The following SEPTIN10 variants were observed in gnomAD, a reference collection of about 807,000 sequenced individuals.
SEPTIN10 encodes septin-10.
SEPTIN10 carries 66 observed loss-of-function variants against 54.8 expected under a neutral mutation model. That is an observed-to-expected ratio of 1.21 (90% CI 0.99 to 1.48). The LOEUF is 1.48. Among genes scored for constraint, SEPTIN10 ranks in the 40% most tolerant of loss-of-function variants. The pLI is 0.00. For missense variants in SEPTIN10, 620 were observed against 545.6 expected, an observed-to-expected ratio of 1.14 and a Z score of -1.36; for synonymous variants, 161 against 181.0, an observed-to-expected ratio of 0.89 and a Z score of 0.89.
intron 1 of SEPTIN10, among the ~76,000 whole-genome samples, chr2:109,610,464 C>T (rs959292627): frequency 2.0e-5 from 3 of 152,158 alleles, no homozygotes; most frequent in Non-Finnish European, 2.9e-5. Context: ...CCTGTAATCC[C>T]AACACTTCGG....
chr2:109,596,171 A>G (rs956595922), intron 1 of SEPTIN10, among the ~76,000 whole-genome samples: 3 of 152,154 alleles, frequency 2.0e-5, no homozygotes, highest in African/African-American at 7.2e-5. Flanking sequence ...AGCTGGGCCT[A>G]CAGGCATGCA....
intron 8 of SEPTIN10, among the ~76,000 whole-genome samples, chr2:109,556,935 A>G (rs1684510626): frequency 6.6e-6 from 1 of 152,106 alleles, no homozygotes. Flanking sequence ...AAAACCAAAC[A>G]TGGCATGTTC....
At chr2:109,561,173 G>A (rs1426635592) in intron 8 of SEPTIN10, among the ~76,000 whole-genome samples, 1 of 152,120 alleles carries the variant, frequency 6.6e-6, no homozygotes, top group East Asian at 1.9e-4. Flanking sequence ...CATCTGTCCT[G>A]CTGTACTGCA....
intron 5 of SEPTIN10, 92 bp from the exon 6 acceptor site, chr2:109,568,068 A>T: frequency 9.9e-7 from 1 of 1,010,868 alleles, no homozygotes; most frequent in African/African-American, 1.6e-5. Flanking sequence ...CATTCTGACA[A>T]TGAATTTCCC....
rs184343540 is a variant in SEPTIN10 at position 109,580,180 on chromosome 2, G to T, written c.413+4946C>A. Among the ~76,000 whole-genome samples, 6 of 144,622 alleles carry T rather than the reference G, an allele frequency of 4.1e-5. No individual in the cohort carries two copies. The East Asian group carries it at 1.2e-3, about 28-fold the overall frequency. The allele number at this position is 144,622 out of a possible 152,430, so 94.9% of individuals were successfully genotyped here. ...AAAAACTTCACTGATGAACACAGAT[G>T]CAAAAAAAAACTAAAAGAAAAATAT... On this transcript the variant is annotated intron_variant, in intron 4 of 10. Transcript: ENST00000397712.
At chr2:109,599,501 G>A (rs1201027405) in intron 1 of SEPTIN10, among the ~76,000 whole-genome samples, 1 of 151,262 alleles carries the variant, frequency 6.6e-6, no homozygotes, top group Non-Finnish European at 1.5e-5. Flanking sequence ...ATTACCAAGA[G>A]TGAGCAAGAT....
intron 4 of SEPTIN10, 73 bp from the exon 5 acceptor site, chr2:109,574,840 T>C: frequency 9.3e-7 from 1 of 1,075,700 alleles, no homozygotes; most frequent in Non-Finnish European, 1.3e-6. Flanking sequence ...CTCTTAGAAG[T>C]TTGAGGTCTA....
At chr2:109,608,986 C>T (rs796247224) in intron 1 of SEPTIN10, among the ~76,000 whole-genome samples, 1 of 152,302 alleles carries the variant, frequency 6.6e-6, no homozygotes, top group African/African-American at 2.4e-5. Context: ...GGACTCTATC[C>T]TGCAGTAGAT....
chr2:109,563,240 T>C (rs535486485), intron 8 of SEPTIN10, among the ~76,000 whole-genome samples: 3 of 152,316 alleles, frequency 2.0e-5, no homozygotes, highest in East Asian at 3.9e-4. Flanking sequence ...TAATTCATTA[T>C]GCTACCAGAA....
intron 7 of SEPTIN10, among the ~76,000 whole-genome samples, chr2:109,564,864 C>T (rs2105176394): frequency 1.3e-5 from 2 of 152,308 alleles, no homozygotes; most frequent in Middle Eastern, 3.4e-3. Flanking sequence ...TAGCAGTTTA[C>T]AAACTATCCT....
At chr2:109,608,088 C>T (rs1372846098) in intron 1 of SEPTIN10, among the ~76,000 whole-genome samples, 3 of 152,158 alleles carry the variant, frequency 2.0e-5, no homozygotes, top group Admixed American at 6.5e-5. Context: ...ACTTAGTCAA[C>T]TATCCTCTTA....
intron 5 of SEPTIN10, among the ~76,000 whole-genome samples, chr2:109,572,783 A>G (rs1688724784): frequency 6.6e-6 from 1 of 150,824 alleles, no homozygotes; most frequent in African/African-American, 2.4e-5. Context: ...TGCCTGGCTA[A>G]TTTTTGTATT....
At chr2:109,578,751 AGT>A (rs1690377300) in intron 4 of SEPTIN10, among the ~76,000 whole-genome samples, 1 of 152,104 alleles carries the variant, frequency 6.6e-6, no homozygotes. Flanking sequence ...TGGCCAACAA[AGT>A]GAGATTCCAC....
intron 3 of SEPTIN10, 84 bp downstream of exon 3, chr2:109,585,637 G>A (rs1439048042): frequency 4.4e-6 from 4 of 915,840 alleles, no homozygotes; most frequent in East Asian, 2.4e-5. Context: ...TTGATAACAT[G>A]AGCATTGTTC....
At chr2:109,574,546 A>G (rs201043038) in intron 5 of SEPTIN10, 35 bp downstream of exon 5, 5 of 1,306,994 alleles carry the variant, frequency 3.8e-6, no homozygotes, top group Admixed American at 2.8e-5. Flanking sequence ...AATAAATATT[A>G]AAGTATGGTA....
chr2:109,544,940 A>C, intron 10 of SEPTIN10: 1 of 984,504 alleles, frequency 1.0e-6, no homozygotes, highest in Non-Finnish European at 1.2e-6. Flanking sequence ...AAAACAAACA[A>C]ACAAACAAAA....
At chr2:109,565,360 T>C (rs1285552220) in intron 7 of SEPTIN10, among the ~76,000 whole-genome samples, 3 of 152,210 alleles carry the variant, frequency 2.0e-5, no homozygotes, top group Non-Finnish European at 4.4e-5. Context: ...TAGATTTAAC[T>C]TTTTAAGTTG....
At chr2:109,556,025 T>C (rs1684286019) in intron 8 of SEPTIN10, among the ~76,000 whole-genome samples, 2 of 152,332 alleles carry the variant, frequency 1.3e-5, no homozygotes, top group Non-Finnish European at 2.9e-5. Context: ...TGAAGCCTCA[T>C]TCATCTCTGT....
Position 109,570,903 on chromosome 2 carries a change from T to C in SEPTIN10, c.601-2927A>G, listed in dbSNP as rs549177655. Among the ~76,000 whole-genome samples, 6 of 152,322 alleles carry C rather than the reference T, an allele frequency of 3.9e-5. 1 individual carries two copies. Among genetic ancestry groups the C allele is most frequent in the African/African-American group, 1.4e-4 (6 of 41,572 alleles). On this transcript the variant is annotated intron_variant, in intron 5 of 10. Coordinates refer to ENST00000397712, the MANE Select transcript of SEPTIN10 (RefSeq NM_144710.5). ...CAAGTAGGTTATATACAGTCATGTG[T>C]GGCTTAACCATGGCGACATGGTTTG...
Sources: allele counts gnomAD v4.1 joint callset (sites outside exome capture counted in the v4.1 genomes callset), GRCh38; gene constraint gnomAD v4.1.1; transcripts MANE v1.5; gene names NCBI Gene and HGNC (gene_info 2026-07-23, HGNC 2026-07-21).